The following LINGO2 variants were observed in gnomAD, a reference collection of about 807,000 sequenced individuals.
LINGO2 encodes leucine-rich repeat and immunoglobulin-like domain-containing nogo receptor-interacting protein 2.
A neutral mutation model predicts 30.6 loss-of-function variants in LINGO2; 14 were observed. That is an observed-to-expected ratio of 0.46 (90% CI 0.30 to 0.72). The LOEUF (loss-of-function observed/expected upper bound fraction) is 0.72, where lower values mean the gene tolerates loss of function less well. LINGO2 is among the 30% of genes least tolerant of loss of function. The probability of loss-of-function intolerance (pLI) is 0.07; values close to 1 mark genes in which losing one functional copy is unlikely to be tolerated. For synonymous variants in LINGO2, 317 were observed against 288.5 expected (o/e 1.10, Z -1.00); for missense variants, 729 against 751.7 (o/e 0.97, Z 0.35).
the LINGO2 span, among the ~76,000 whole-genome samples, chr9:29,032,187 G>T: frequency 3.9e-5 from 6 of 152,056 alleles, no homozygotes; most frequent in East Asian, 1.9e-4. Flanking sequence ...AATACAGAAG[G>T]CATATTCAGT....
chr9:28,885,978 A>G, the LINGO2 span, among the ~76,000 whole-genome samples: 1 of 152,334 alleles, frequency 6.6e-6, no homozygotes, highest in East Asian at 1.9e-4. Context: ...ATTGTTCAGC[A>G]ACAAGTGAGA....
intron 4 of LINGO2, among the ~76,000 whole-genome samples, chr9:28,183,296 G>T (rs529949125): frequency 6.6e-6 from 1 of 152,032 alleles, no homozygotes; most frequent in Non-Finnish European, 1.5e-5. Flanking sequence ...ACACACCAGG[G>T]CCTGTTGAGG....
At chr9:28,037,363 C>G (rs954737751) in intron 4 of LINGO2, among the ~76,000 whole-genome samples, 3 of 152,188 alleles carry the variant, frequency 2.0e-5, no homozygotes, top group African/African-American at 7.2e-5. Context: ...AAATTGCTTA[C>G]TATTTCAGAA....
At chr9:28,006,877 C>A (rs1822292115) in intron 5 of LINGO2, among the ~76,000 whole-genome samples, 1 of 152,066 alleles carries the variant, frequency 6.6e-6, no homozygotes, top group Admixed American at 6.6e-5. Flanking sequence ...TATGGTTGAA[C>A]AAGTGTAGAG....
the LINGO2 span, among the ~76,000 whole-genome samples, chr9:28,955,605 C>T: frequency 6.6e-6 from 1 of 152,062 alleles, no homozygotes; most frequent in Admixed American, 6.6e-5. Flanking sequence ...ACATAATTAC[C>T]AGGCTGGGTG....
the LINGO2 span, among the ~76,000 whole-genome samples, chr9:28,675,905 GTATATATA>G: frequency 1.9e-4 from 24 of 126,064 alleles, no homozygotes; most frequent in Non-Finnish European, 2.5e-4. Flanking sequence ...GTGTGTGTAT[GTATATATA>G]TATATATATA....
chr9:27,950,931 G>A (rs4595858), intron 5 of LINGO2, among the ~76,000 whole-genome samples: 79,951 of 151,990 alleles, frequency 0.53, 22,779 homozygotes, highest in Non-Finnish European at 0.61. Context: ...GGGGATAATA[G>A]TGATAATAGT....
the LINGO2 span, among the ~76,000 whole-genome samples, chr9:29,091,109 T>C: frequency 1.3e-5 from 2 of 152,104 alleles, no homozygotes; most frequent in Non-Finnish European, 2.9e-5. Flanking sequence ...TTGACATTCA[T>C]GATATTGGTT....
At chr9:28,970,624 G>A in the LINGO2 span, among the ~76,000 whole-genome samples, 1 of 152,122 alleles carries the variant, frequency 6.6e-6, no homozygotes, top group Admixed American at 6.5e-5. Context: ...CGTGTTGTTA[G>A]AGCAGAAAAG....
intron 4 of LINGO2, among the ~76,000 whole-genome samples, chr9:28,284,976 C>T (rs1475751078): frequency 6.6e-6 from 1 of 152,118 alleles, no homozygotes; most frequent in Admixed American, 6.5e-5. Context: ...GATAGAAATG[C>T]ACTAGACAAA....
the LINGO2 span, among the ~76,000 whole-genome samples, chr9:29,066,010 T>C: frequency 3.3e-5 from 5 of 152,028 alleles, no homozygotes; most frequent in Non-Finnish European, 5.9e-5. Context: ...AAACTGGAGC[T>C]GAATTAAAGC....
At chr9:28,932,107 AAAAAT>A in the LINGO2 span, among the ~76,000 whole-genome samples, 1 of 107,564 alleles carries the variant, frequency 9.3e-6, no homozygotes, top group Non-Finnish European at 1.8e-5. Context: ...ACTCTGACAA[AAAAAT>A]AAAATAAAAT....
At chr9:28,653,800 C>T (rs1040362328) in intron 1 of LINGO2, among the ~76,000 whole-genome samples, 13 of 152,000 alleles carry the variant, frequency 8.6e-5, no homozygotes, top group African/African-American at 3.1e-4. Flanking sequence ...TCTTTTCATT[C>T]ATCAGGGCAC....
At chr9:28,625,856 T>C (rs1004053038) in intron 1 of LINGO2, among the ~76,000 whole-genome samples, 1 of 152,104 alleles carries the variant, frequency 6.6e-6, no homozygotes, top group African/African-American at 2.4e-5. Context: ...CTTTGTGTTT[T>C]TTCATTTGAA....
the LINGO2 span, among the ~76,000 whole-genome samples, chr9:29,155,028 A>G: frequency 6.6e-6 from 1 of 152,214 alleles, no homozygotes; most frequent in Non-Finnish European, 1.5e-5. Context: ...TAATAATGTC[A>G]TGTGCTTTGG....
At chr9:28,755,738 A>G in the LINGO2 span, among the ~76,000 whole-genome samples, 49 of 152,208 alleles carry the variant, frequency 3.2e-4, 1 homozygote, top group South Asian at 8.9e-3. Flanking sequence ...CGTTTTCAAC[A>G]GAAGAAAACG....
In LINGO2 at chr9:28,177,722, A is replaced by G. The variant is rs370379216; in HGVS notation, c.-87+117486T>C. Among the ~76,000 whole-genome samples the G allele has an allele frequency of 2.1e-4, 32 of 152,326 alleles. No individual in the cohort carries two copies. In the South Asian group the frequency reaches 6.2e-3, roughly 30 times the overall value. On this transcript the variant is annotated intron_variant, in intron 4 of 5. Transcript: ENST00000379992. ...GAAAGGAAGAAAAAGGAATGGATTCAGAACTCCAGAGACCAGGCATCTTGC... is the reference window on the plus strand; with the variant it reads ...GAAAGGAAGAAAAAGGAATGGATTCGGAACTCCAGAGACCAGGCATCTTGC...
chr9:28,563,055 C>T (rs1349209306), intron 1 of LINGO2, among the ~76,000 whole-genome samples: 2 of 151,986 alleles, frequency 1.3e-5, no homozygotes, highest in East Asian at 1.9e-4. Flanking sequence ...CCATGTTGGC[C>T]GGGCTGGTCT....
intron 4 of LINGO2, among the ~76,000 whole-genome samples, chr9:28,014,090 G>T (rs1224547391): frequency 6.6e-6 from 1 of 152,126 alleles, no homozygotes; most frequent in Non-Finnish European, 1.5e-5. Context: ...CCACCACTGT[G>T]TAGGACGTGG....
Sources: allele counts gnomAD v4.1 joint callset (sites outside exome capture counted in the v4.1 genomes callset), GRCh38; gene constraint gnomAD v4.1.1; transcripts MANE v1.5; gene names NCBI Gene and HGNC (gene_info 2026-07-23, HGNC 2026-07-21).